SLC17A8: variants seen among roughly 807,000 people sequenced by gnomAD.
SLC17A8 encodes the protein vesicular glutamate transporter 3.
SLC17A8 carries 31 observed loss-of-function variants against 58.0 expected under a neutral mutation model. That is an observed-to-expected ratio of 0.53 (90% CI 0.40 to 0.72). The LOEUF is 0.72. SLC17A8 is among the 30% of genes least tolerant of loss of function. The probability of loss-of-function intolerance (pLI) is 0.00; values close to 1 mark genes in which losing one functional copy is unlikely to be tolerated. For synonymous variants in SLC17A8, 228 were observed against 249.0 expected, an observed-to-expected ratio of 0.92 and a Z score of 0.79; for missense variants, 655 against 727.8, an observed-to-expected ratio of 0.90 and a Z score of 1.15.
At chr12:100,413,000 A>ACCAC in intron 10 of SLC17A8, 120 bp downstream of exon 10, 1 of 809,952 alleles carries the variant, frequency 1.2e-6, no homozygotes, top group Non-Finnish European at 2.2e-6. Context: ...AGAGAGCAGG[A>ACCAC]CCACCGTCCA....
chr12:100,419,687 C>A, intron 11 of SLC17A8, 128 bp from the exon 12 acceptor site: 2 of 862,234 alleles, frequency 2.3e-6, no homozygotes, highest in Non-Finnish European at 3.7e-6. Context: ...CGTCCTCCCG[C>A]CCAAGGAGCC....
intron 4 of SLC17A8, 93 bp downstream of exon 4, chr12:100,393,576 G>GT (rs1489673456): frequency 9.6e-6 from 9 of 942,296 alleles, no homozygotes; most frequent in African/African-American, 4.9e-5. Flanking sequence ...CCTTTACTCA[G>GT]TTTTTTTCTA....
At chr12:100,395,533 C>T (rs549780010) in intron 4 of SLC17A8, among the ~76,000 whole-genome samples, 1 of 152,076 alleles carries the variant, frequency 6.6e-6, no homozygotes, top group Non-Finnish European at 1.5e-5. Context: ...GCCATGTTGG[C>T]CAGGCTGGTC....
Position 100,421,236 on chromosome 12 carries a change from A to G in SLC17A8, c.*1077A>G, listed in dbSNP as rs1268202148. On this transcript the variant is annotated 3_prime_UTR_variant, in exon 12 of 12. Transcript: ENST00000323346. ...TCTTAGGTAAAGTTCTTCTGAAAGA[A>G]TTTTCTATTTTTAAAAAATGTATCT... 1.3e-5 allele frequency: 2 copies of G among 152,118 alleles called. No individual in the cohort carries two copies. The highest frequency in any genetic ancestry group is 1.3e-4 in the Admixed American group (2 of 15,274). The allele number at this position is 152,118 out of a possible 1,614,324, so 9.4% of individuals were successfully genotyped here.
At chr12:100,383,968 G>C (rs968178072) in intron 2 of SLC17A8, among the ~76,000 whole-genome samples, 8 of 152,188 alleles carry the variant, frequency 5.3e-5, no homozygotes, top group Non-Finnish European at 1.2e-4. Flanking sequence ...GTCTCCCAAA[G>C]TGCTGGGACA....
chr12:100,359,040 T>C (rs537654580), intron 1 of SLC17A8, among the ~76,000 whole-genome samples: 2 of 152,090 alleles, frequency 1.3e-5, no homozygotes, highest in South Asian at 2.1e-4. Context: ...TCCCAAGAAG[T>C]GGGAGTATTG....
At chr12:100,373,933 A>G (rs1050035620) in intron 1 of SLC17A8, among the ~76,000 whole-genome samples, 2 of 152,150 alleles carry the variant, frequency 1.3e-5, no homozygotes, top group Admixed American at 6.6e-5. Flanking sequence ...CTGAATGAAA[A>G]TGACTCTAAC....
intron 1 of SLC17A8, among the ~76,000 whole-genome samples, chr12:100,361,153 C>T (rs1952481652): frequency 6.6e-6 from 1 of 152,198 alleles, no homozygotes; most frequent in Admixed American, 6.5e-5. Flanking sequence ...AATGGGGTGA[C>T]TCTAGGAAAC....
chr12:100,400,333 G>A (rs555901323), intron 5 of SLC17A8, among the ~76,000 whole-genome samples: 1 of 152,212 alleles, frequency 6.6e-6, no homozygotes, highest in Non-Finnish European at 1.5e-5. Flanking sequence ...TTTTGAGTGT[G>A]TTGTCATTCT....
At chr12:100,409,196 T>TGTAC (rs759732825) in intron 9 of SLC17A8, among the ~76,000 whole-genome samples, 1 of 145,248 alleles carries the variant, frequency 6.9e-6, no homozygotes, top group African/African-American at 2.7e-5. Context: ...TATGTATGTA[T>TGTAC]GTATTTAGAG....
Position 100,396,422 on chromosome 12 carries a change from G to A in SLC17A8, c.676+5G>A. On this transcript the variant is annotated splice_donor_5th_base_variant and intron_variant, in intron 5 of 11. Transcript: ENST00000323346. ...TGGCCACAACCTCTTTTTGTGGTGG[G>A]TATATTAGAATCGTAACAAATTTTA... 2 of 1,612,384 alleles carry A rather than the reference G, an allele frequency of 1.2e-6. No individual in the cohort carries two copies. The highest frequency in any genetic ancestry group is 1.7e-6 in the Non-Finnish European group (2 of 1,178,518).
At position 100,409,176 on chromosome 12, in the gene SLC17A8, T is replaced by C. The variant is rs545796975; in HGVS notation, c.1187-3594T>C. ...ATGTATGTATGTATGTATGTATGTA[T>C]GTATGTATGTATGTATGTATGTATT... On this transcript the variant is annotated intron_variant, in intron 9 of 11. Transcript: ENST00000323346. Among the ~76,000 whole-genome samples the C allele has an allele frequency of 2.6e-5, 4 of 152,002 alleles. No homozygotes were observed. In the South Asian group the frequency reaches 8.3e-4, roughly 32 times the overall value.
At chr12:100,409,897 G>A (rs966970652) in intron 9 of SLC17A8, among the ~76,000 whole-genome samples, 2 of 152,232 alleles carry the variant, frequency 1.3e-5, no homozygotes, top group African/African-American at 4.8e-5. Flanking sequence ...AGGGCTGGAA[G>A]AAGATGAAAC....
intron 2 of SLC17A8, 62 bp downstream of exon 2, chr12:100,381,015 AG>A (rs1952633907): frequency 1.7e-5 from 27 of 1,598,990 alleles, no homozygotes; most frequent in Non-Finnish European, 2.2e-5. Flanking sequence ...TCGGTCTCCC[AG>A]GCTAGAGTAC....
intron 5 of SLC17A8, among the ~76,000 whole-genome samples, chr12:100,401,567 T>C (rs1451388194): frequency 1.3e-5 from 2 of 152,250 alleles, no homozygotes; most frequent in East Asian, 3.9e-4. Flanking sequence ...TCCTGTGTGG[T>C]CTCTGGATGA....
At chr12:100,414,571 G>A (rs1010197458) in intron 10 of SLC17A8, among the ~76,000 whole-genome samples, 1 of 152,180 alleles carries the variant, frequency 6.6e-6, no homozygotes, top group Non-Finnish European at 1.5e-5. Flanking sequence ...GATAATTCAT[G>A]TATTTCCCCG....
chr12:100,413,747 G>A (rs1952887291), intron 10 of SLC17A8, among the ~76,000 whole-genome samples: 1 of 152,186 alleles, frequency 6.6e-6, no homozygotes, highest in African/African-American at 2.4e-5. Context: ...AGACCGAGAC[G>A]AATGGATCAC....
Position 100,385,233 on chromosome 12 carries a change from A to ATTTT in SLC17A8, c.354+4298_354+4301dup, listed in dbSNP as rs397850732. Among the ~76,000 whole-genome samples the ATTTT allele has an allele frequency of 2.5e-3, 263 of 106,634 alleles. 5 individuals are homozygous for ATTTT. The highest frequency in any genetic ancestry group is 2.8e-3 in the Non-Finnish European group (160 of 56,934). 70.0% of individuals were successfully genotyped at this position (106,634 alleles called of 152,430 possible). A position where few individuals can be genotyped will look rare whatever the true frequency, so the allele number is the denominator to read the frequency against. ...AGCCTATGGCTTTGCTGTCTTAAAC[A>ATTTT]TTTTTTTTTTTTTTTTTTTTTGAGA... On this transcript the variant is annotated intron_variant, in intron 2 of 11. Transcript: ENST00000323346.
rs188562663 is a variant in SLC17A8 at position 100,358,914 on chromosome 12, G to A, written c.101+1422G>A. On this transcript the variant is annotated intron_variant, in intron 1 of 11. Coordinates refer to ENST00000323346, the MANE Select transcript of SLC17A8 (RefSeq NM_139319.3). ...CCCAGCACTTTGGGAGGCGGAAGTG[G>A]GAGGATCGCTTGAGGCCAGAAGTTC... Among the ~76,000 whole-genome samples the A allele has an allele frequency of 2.3e-3, 352 of 152,270 alleles. 1 individual carries two copies. The highest frequency in any genetic ancestry group is 8.0e-3 in the African/African-American group (332 of 41,534).
Sources: allele counts gnomAD v4.1 joint callset (sites outside exome capture counted in the v4.1 genomes callset), GRCh38; gene constraint gnomAD v4.1.1; transcripts MANE v1.5; gene names NCBI Gene and HGNC (gene_info 2026-07-23, HGNC 2026-07-21).